Variants in CDH18 observed in about 807,000 individuals in gnomAD.
CDH18 encodes the protein cadherin 18, also known as cadherin-18.
CDH18 carries 31 observed loss-of-function variants against 67.9 expected under a neutral mutation model. That is an observed-to-expected ratio of 0.46 (90% CI 0.34 to 0.62). The LOEUF is 0.62. Ranked by LOEUF, CDH18 falls within the 20% of genes least tolerant of loss-of-function variation. CDH18 has a pLI of 0.01. For missense variants in CDH18, 890 were observed against 975.5 expected (o/e 0.91, Z 1.17); for synonymous variants, 362 against 347.2 (o/e 1.04, Z -0.48).
In CDH18 at chr5:20,215,469, T is replaced by C. The variant is rs1436977894; in HGVS notation, c.-518+39975A>G. On this transcript the variant is annotated intron_variant, in intron 2 of 14. Coordinates refer to the CDH18 transcript ENST00000507958. ...ATAAATAAATAAATAAATAAATAAATAAACAAACCAGATGCTGACAAGGTT... is the reference window on the plus strand; with the variant it reads ...ATAAATAAATAAATAAATAAATAAACAAACAAACCAGATGCTGACAAGGTT... Among the ~76,000 whole-genome samples, 5 of 133,212 alleles carry C rather than the reference T, an allele frequency of 3.8e-5. No individual in the cohort carries two copies. The South Asian group carries it at 6.7e-4, about 18-fold the overall frequency. 87.4% of individuals were successfully genotyped at this position (133,212 alleles called of 152,430 possible). A position where few individuals can be genotyped will look rare whatever the true frequency, so the allele number is the denominator to read the frequency against.
At chr5:19,956,984 T>G (rs888258041) in intron 2 of CDH18, among the ~76,000 whole-genome samples, 1 of 152,000 alleles carries the variant, frequency 6.6e-6, no homozygotes, top group African/African-American at 2.4e-5. Flanking sequence ...TAGCTATCTA[T>G]AATTACTTTT....
chr5:20,545,050 C>T (rs1262727108), intron 1 of CDH18, among the ~76,000 whole-genome samples: 1 of 152,184 alleles, frequency 6.6e-6, no homozygotes, highest in East Asian at 1.9e-4. Context: ...AGAACCCATG[C>T]AAGTATGAAA....
chr5:19,783,579 A>G (rs1473921429), intron 3 of CDH18, among the ~76,000 whole-genome samples: 1 of 152,118 alleles, frequency 6.6e-6, no homozygotes, highest in African/African-American at 2.4e-5. Flanking sequence ...TGATAAAGCC[A>G]AACATTCCTT....
At chr5:19,594,588 C>A (rs1472104331) in intron 6 of CDH18, among the ~76,000 whole-genome samples, 1 of 152,140 alleles carries the variant, frequency 6.6e-6, no homozygotes, top group Non-Finnish European at 1.5e-5. Context: ...TATGCCATTA[C>A]CATACTATTT....
intron 8 of CDH18, among the ~76,000 whole-genome samples, chr5:19,565,776 A>G (rs1228041838): frequency 6.6e-6 from 1 of 152,228 alleles, no homozygotes; most frequent in Non-Finnish European, 1.5e-5. Flanking sequence ...TGAAGAGAGT[A>G]CGTTGGGAAA....
At chr5:19,829,057 A>C (rs191856808) in intron 3 of CDH18, among the ~76,000 whole-genome samples, 87 of 152,160 alleles carry the variant, frequency 5.7e-4, no homozygotes, top group Admixed American at 2.3e-3. Flanking sequence ...TTAATTAATT[A>C]ATAAGTAAAT....
chr5:19,716,185 G>C (rs962360905), intron 5 of CDH18, among the ~76,000 whole-genome samples: 2 of 152,032 alleles, frequency 1.3e-5, no homozygotes, highest in Admixed American at 1.3e-4. Context: ...ACTGGACTAA[G>C]AGCATTGCCC....
chr5:20,129,160 G>A (rs1224487569), intron 2 of CDH18, among the ~76,000 whole-genome samples: 1 of 151,914 alleles, frequency 6.6e-6, no homozygotes, highest in Admixed American at 6.6e-5. Flanking sequence ...AAGGTTGATT[G>A]AGACAGAGAG....
chr5:19,686,228 A>C (rs532875479), intron 5 of CDH18, among the ~76,000 whole-genome samples: 100 of 152,290 alleles, frequency 6.6e-4, no homozygotes, highest in Admixed American at 2.4e-3. Flanking sequence ...AGAGTCAAGG[A>C]CATGACACTA....
rs541783663 is a variant in CDH18, at chr5:20,550,380, G to A, written c.-580+25082C>T. On this transcript the variant is annotated intron_variant, in intron 1 of 14. Transcript: ENST00000507958. ...AAAGCCAGTTTACACCTTGGAGAGCGATCTATAGAATTTTAGTAATACAAG... is the reference window on the plus strand; with the variant it reads ...AAAGCCAGTTTACACCTTGGAGAGCAATCTATAGAATTTTAGTAATACAAG... Among the ~76,000 whole-genome samples, 20 of 152,246 alleles carry A rather than the reference G, an allele frequency of 1.3e-4. No individual in the cohort carries two copies. The South Asian group carries it at 3.1e-3, about 24-fold the overall frequency.
chr5:20,327,713 T>G (rs1023254817), intron 1 of CDH18, among the ~76,000 whole-genome samples: 3 of 152,022 alleles, frequency 2.0e-5, no homozygotes, highest in African/African-American at 7.2e-5. Flanking sequence ...AAAGCTAAGG[T>G]ATCCCTGGGA....
chr5:19,483,335 T>A lies in CDH18; in HGVS notation c.1848A>T (p.Leu616Phe), dbSNP rs776918299. 26 of 1,613,904 alleles carry A rather than the reference T, an allele frequency of 1.6e-5. No homozygotes were observed. The highest frequency in any genetic ancestry group is 2.2e-5 in the Non-Finnish European group (26 of 1,179,968). Reference sequence around the variant, plus strand: ...TGAGAACACAGAGAAGAATAGCGATTAAGGCTCCTGTACTCAAACCAGCCG... The same window carrying A: ...TGAGAACACAGAGAAGAATAGCGATAAAGGCTCCTGTACTCAAACCAGCCG... ...LSSAGLSTGA[L>F]IAILLCVLIL... The change falls in exon 12 of 13, where the codon TTA becomes TTT. Residue 616 changes from leucine to phenylalanine, a missense_variant. Physicochemically the swap from Leu to Phe is conservative, Grantham distance 22. Transcript: ENST00000382275.
At chr5:20,170,703 T>C in intron 2 of CDH18, among the ~76,000 whole-genome samples, 1 of 152,152 alleles carries the variant, frequency 6.6e-6, no homozygotes, top group East Asian at 1.9e-4. Flanking sequence ...GTTGTTGTTT[T>C]CCTTAAACTT....
chr5:20,144,803 A>T (rs1165019820), intron 2 of CDH18, among the ~76,000 whole-genome samples: 1 of 152,182 alleles, frequency 6.6e-6, no homozygotes, highest in Non-Finnish European at 1.5e-5. Context: ...AAATGAAGTG[A>T]TTAGCATAGA....
intron 2 of CDH18, among the ~76,000 whole-genome samples, chr5:20,224,502 G>A (rs562733970): frequency 3.0e-4 from 43 of 145,232 alleles, no homozygotes; most frequent in Middle Eastern, 3.5e-3. Context: ...TTGGATTTTC[G>A]CCAGGCAAAA....
chr5:20,556,288 G>A lies in CDH18; in HGVS notation c.-580+19174C>T, dbSNP rs925439957. Among the ~76,000 whole-genome samples, 7 of 152,060 alleles carry A rather than the reference G, an allele frequency of 4.6e-5. No homozygotes were observed. In the East Asian group the frequency reaches 9.6e-4, roughly 21 times the overall value. ...ATCAAAGTGCTCAGCAGATCTAAAA[G>A]GCCTTCCATTTACAAAGACATTCTC... is the stretch of plus-strand genomic sequence containing the variant. On this transcript the variant is annotated intron_variant, in intron 1 of 14. Transcript: ENST00000507958.
At chr5:19,877,055 G>GACT (rs1282527266) in intron 2 of CDH18, among the ~76,000 whole-genome samples, 1 of 152,034 alleles carries the variant, frequency 6.6e-6, no homozygotes, top group East Asian at 1.9e-4. Flanking sequence ...ATCCCCCAAT[G>GACT]ACTATGAAAA....
At chr5:19,952,251 G>C (rs549152582) in intron 2 of CDH18, among the ~76,000 whole-genome samples, 1 of 152,046 alleles carries the variant, frequency 6.6e-6, no homozygotes, top group East Asian at 1.9e-4. Context: ...GGGTTTCACC[G>C]TGTTAGCCAG....
chr5:19,757,603 T>C (rs1393759566), intron 3 of CDH18, among the ~76,000 whole-genome samples: 2 of 152,206 alleles, frequency 1.3e-5, no homozygotes. Context: ...ATTAAAATCC[T>C]CCTCAGTTGA....
Sources: gnomAD v4.1 joint callset for allele counts (sites outside exome capture counted in the v4.1 genomes callset) on GRCh38, gnomAD v4.1.1 for gene constraint, MANE v1.5 for transcripts, NCBI Gene and HGNC (gene_info 2026-07-23, HGNC 2026-07-21) for gene names.